DNAJC28: variants seen among roughly 807,000 people sequenced by gnomAD.
The protein encoded by DNAJC28 is dnaJ homolog subfamily C member 28.
In DNAJC28, 24 loss-of-function variants were observed where a neutral mutation model predicts 33.3. The ratio of observed to expected loss-of-function variants is 0.72; its 90% CI spans 0.52 to 1.01. The LOEUF (loss-of-function observed/expected upper bound fraction) is 1.01. Among genes scored for constraint, DNAJC28 ranks in the 50% least tolerant of loss-of-function variants. The pLI, the probability that DNAJC28 is intolerant of heterozygous loss-of-function variation, is 0.00. For synonymous variants in DNAJC28, 120 were observed against 147.2 expected (o/e 0.82, Z 1.34); for missense variants, 442 against 455.2 (o/e 0.97, Z 0.26).
At chr21:33,489,867 C>T (rs1654289419) in intron 1 of DNAJC28, among the ~76,000 whole-genome samples, 1 of 147,968 alleles carries the variant, frequency 6.8e-6, no homozygotes. Flanking sequence ...AATCGTGGCT[C>T]ACTGCAGCAT....
At chr21:33,490,022 AG>A (rs1350777023) in intron 1 of DNAJC28, among the ~76,000 whole-genome samples, 1 of 147,422 alleles carries the variant, frequency 6.8e-6, no homozygotes, top group Non-Finnish European at 1.5e-5. Context: ...CCAACTCCTG[AG>A]CTCAAACGAT....
At chr21:33,490,433 T>G (rs1313135776) in intron 1 of DNAJC28, among the ~76,000 whole-genome samples, 2 of 151,684 alleles carry the variant, frequency 1.3e-5, no homozygotes, top group Non-Finnish European at 2.9e-5. Flanking sequence ...TATAGCTATA[T>G]TTCACTGATG....
chr21:33,488,849 C>T lies in DNAJC28; in HGVS notation c.545G>A (p.Ser182Asn). 1 of 1,611,112 alleles carries T rather than the reference C, an allele frequency of 6.2e-7. No homozygotes were observed. Among genetic ancestry groups the T allele is most frequent in the Non-Finnish European group, 8.5e-7 (1 of 1,179,380 alleles). Residue 182 changes from serine to asparagine, a missense_variant, in exon 2 of 2, where the codon AGT becomes AAT. Physicochemically the swap from Ser to Asn is conservative, Grantham distance 46. Transcript: ENST00000381947. ...QKLQSQYFPDSVIVKNIRQSK... is the reference protein window; with the variant it reads ...QKLQSQYFPDNVIVKNIRQSK... ...CTGTCTTATATTTTTAACAATTACA[C>T]TATCAGGAAAATACTGGCTTTGTAG...
intron 1 of DNAJC28, among the ~76,000 whole-genome samples, 181 bp from the exon 2 acceptor site, chr21:33,489,605 A>T (rs2084503356): frequency 7.1e-6 from 1 of 141,632 alleles, no homozygotes; most frequent in African/African-American, 2.7e-5. Flanking sequence ...TCGCTCTGTC[A>T]CCCAGGCTGG....
At position 33,488,457 on chromosome 21, in the gene DNAJC28, C is replaced by A. The variant is rs762955572; in HGVS notation, c.937G>T (p.Asp313Tyr). 51 of 1,608,750 alleles carry A rather than the reference C, an allele frequency of 3.2e-5. No individual in the cohort carries two copies. Among genetic ancestry groups the A allele is most frequent in the Admixed American group, 6.8e-5 (4 of 58,848 alleles). The change falls in exon 2 of 2, where the codon GAT (aspartate) becomes TAT (tyrosine). Residue 313 changes from aspartate (D) to tyrosine (Y), a missense_variant. Asp to Tyr is a radical substitution (Grantham distance 160). Transcript: ENST00000381947. ...AGGATGGGAACAATTAAATTAAAAT[C>A]ATTAATTCGCTTGTTTAATTTTCTG... Reference protein sequence around the residue: ...NIRKLNKRINDFNLIVPILTR... With the variant: ...NIRKLNKRINYFNLIVPILTR...
chr21:33,489,619 G>A (rs1465808710), intron 1 of DNAJC28, among the ~76,000 whole-genome samples, 195 bp from the exon 2 acceptor site: 1 of 147,222 alleles, frequency 6.8e-6, no homozygotes, highest in African/African-American at 2.5e-5. Context: ...AGGCTGGAGT[G>A]CAGTGGTGCC....
In DNAJC28 at chr21:33,488,625, T is replaced by A. The variant is rs1241330761; in HGVS notation, c.769A>T (p.Ile257Phe). ...TCGCTTATTTCCTTTTGCTTAAGGA[T>A]CCATTCTGGTTGGTATCCATTATCG... ...LIDNGYQPEW[I>F]LKQKEISDTI... Residue 257 changes from isoleucine to phenylalanine, a missense_variant, in exon 2 of 2, where the codon ATC becomes TTC. Transcript: ENST00000381947. 1 of 1,614,100 alleles carries A rather than the reference T, an allele frequency of 6.2e-7. No homozygotes were observed. Among genetic ancestry groups the A allele is most frequent in the Non-Finnish European group, 8.5e-7 (1 of 1,180,010 alleles).
intron 1 of DNAJC28, among the ~76,000 whole-genome samples, chr21:33,490,710 G>A (rs1316904147): frequency 2.0e-5 from 3 of 151,990 alleles, no homozygotes; most frequent in South Asian, 2.1e-4. Flanking sequence ...GCAGTGAACC[G>A]AGATCGTGCC....
At chr21:33,490,301 G>A (rs1181092804) in intron 1 of DNAJC28, among the ~76,000 whole-genome samples, 8 of 149,652 alleles carry the variant, frequency 5.3e-5, no homozygotes, top group African/African-American at 1.2e-4. Flanking sequence ...TAGAGACGGC[G>A]TTTCACCGTG....
Position 33,488,413 on chromosome 21 carries a change from A to G in DNAJC28, c.981T>C (p.His327=), listed in dbSNP as rs758762635. 4 of 1,591,332 alleles carry G rather than the reference A, an allele frequency of 2.5e-6. No individual in the cohort carries two copies. The Admixed American group carries it at 7.5e-5, about 30-fold the overall frequency. ...TGACAATTTCTTTCTGAGCATCAAAATGGACTTTTTGCCTGGTCAGGATGG... is the reference window on the plus strand; with the variant it reads ...TGACAATTTCTTTCTGAGCATCAAAGTGGACTTTTTGCCTGGTCAGGATGG... The part of the protein sequence containing the change: ...IVPILTRQKV[H]FDAQKEIVRA... The change falls in exon 2 of 2, where the codon CAT becomes CAC. Residue 327 remains histidine (H), a synonymous_variant. Transcript: ENST00000381947.
Position 33,488,344 on chromosome 21 carries a change from G to A in DNAJC28, c.1050C>T (p.Val350=), listed in dbSNP as rs1410844008. 6.3e-7 allele frequency: 1 copy of A among 1,585,304 alleles called. No individual in the cohort carries two copies. The highest frequency in any genetic ancestry group is 1.4e-5 in the African/African-American group (1 of 73,014). ...IYETLIKTKE[V]TDRNPNNLDQ... Reference sequence around the variant, plus strand: ...CAAGGTTATTTGGGTTTCTATCTGTGACTTCTTTTGTTTTTATAAGGGTCT... The same window carrying A: ...CAAGGTTATTTGGGTTTCTATCTGTAACTTCTTTTGTTTTTATAAGGGTCT... Residue 350 remains valine, a synonymous_variant, in exon 2 of 2, where the codon GTC becomes GTT. Coordinates refer to ENST00000381947, the MANE Select transcript of DNAJC28 (RefSeq NM_001040192.3).
Position 33,488,297 on chromosome 21 carries a change from G to GTT in DNAJC28, c.1095_1096dup (p.Thr366LysfsTer10), listed in dbSNP as rs2084479614. 26 of 1,554,580 alleles carry GTT rather than the reference G, an allele frequency of 1.7e-5. No individual in the cohort carries two copies. Among genetic ancestry groups the GTT allele is most frequent in the Non-Finnish European group, 2.2e-5 (25 of 1,160,416 alleles). ...TAAAAAACCTTTCTTGATTTCAGGT[G>GTT]TTTTCTCTCCTTCTCCTTGATCAAG... On this transcript the variant is annotated frameshift_variant, in exon 2 of 2. Transcript: ENST00000381947. LOFTEE classifies it high-confidence loss of function.
rs764866087 is a variant in DNAJC28 at position 33,489,310 on chromosome 21, C to T, written c.84G>A (p.Met28Ile). 3 of 1,588,874 alleles carry T rather than the reference C, an allele frequency of 1.9e-6. No individual in the cohort carries two copies. Among genetic ancestry groups the T allele is most frequent in the South Asian group, 1.2e-5 (1 of 85,474 alleles). ...KATVIPNRVK[M>I]LPYFGIIRNR... ...TTCTAATGATACCAAAATATGGAAG[C>T]ATTTTCACTCGATTAGGAATCACTG... The change falls in exon 2 of 2, where the codon ATG (methionine) becomes ATA (isoleucine). Residue 28 changes from methionine to isoleucine, a missense_variant. Transcript: ENST00000381947.
chr21:33,489,049 ACT>A lies in DNAJC28; in HGVS notation c.343_344del (p.Ser115Ter). The A allele has an allele frequency of 6.2e-7, 1 of 1,612,558 alleles. No individual in the cohort carries two copies. ...HVIEQTNASQ[S>X]KGEEEEDVEK... ...CTACATCTTCTTCTTCTTCACCTTT[ACT>A]CTGACTGGCATTTGTTTGTTCTATC... On this transcript the variant is annotated frameshift_variant, in exon 2 of 2. Coordinates refer to ENST00000381947, the MANE Select transcript of DNAJC28 (RefSeq NM_001040192.3). LOFTEE classifies it high-confidence loss of function.
chr21:33,489,362 A>T lies in DNAJC28; in HGVS notation c.32T>A (p.Ile11Asn), dbSNP rs1568996824. 2.6e-6 allele frequency: 4 copies of T among 1,537,400 alleles called. No homozygotes were observed. Among genetic ancestry groups the T allele is most frequent in the South Asian group, 2.6e-5 (2 of 76,136 alleles). Residue 11 changes from isoleucine to asparagine, a missense_variant, in exon 2 of 2, where the codon ATC becomes AAC. By Grantham distance (149) the Ile-to-Asn change is moderately radical. Transcript: ENST00000381947. The stretch of plus-strand genomic sequence containing the variant: ...AGCCTTTATCAGGTGAGATCTTAAG[A>T]TCTGAGCCATCATCACATACATTGT... MNTMYVMMAQ[I>N]LRSHLIKATV... is the part of the protein sequence containing the mutation.
Position 33,488,202 on chromosome 21 carries a change from T to A in DNAJC28, c.*25A>T, listed in dbSNP as rs1203530056. The A allele has an allele frequency of 1.4e-6, 2 of 1,460,632 alleles. No homozygotes were observed. The highest frequency in any genetic ancestry group is 9.1e-7 in the Non-Finnish European group (1 of 1,099,214). 90.5% of individuals were successfully genotyped at this position (1,460,632 alleles called of 1,614,324 possible). On this transcript the variant is annotated 3_prime_UTR_variant, in exon 2 of 2. Transcript: ENST00000381947. ...TTTCCATGTAAAGTGTCAGTGGAAC[T>A]AAGAATGATTTATGATAGTAAACAT...
Position 33,488,871 on chromosome 21 carries a change from G to A in DNAJC28, c.523C>T (p.Gln175Ter), listed in dbSNP as rs1256291352. 1.9e-6 allele frequency: 3 copies of A among 1,609,784 alleles called. No homozygotes were observed. The highest frequency in any genetic ancestry group is 2.7e-5 in the African/African-American group (2 of 74,578). ...QVMEYQKQKL[Q>*]SQYFPDSVIV... is the part of the protein sequence containing the mutation. The stretch of plus-strand genomic sequence containing the variant: ...ACACTATCAGGAAAATACTGGCTTT[G>A]TAGTTTCTGCTTTTGATATTCCATC... Residue 175 changes from glutamine (Q) to a stop codon, truncating the protein, a stop_gained, in exon 2 of 2, where the codon CAA (glutamine) becomes TAA (stop). Coordinates refer to ENST00000381947, the MANE Select transcript of DNAJC28 (RefSeq NM_001040192.3). LOFTEE classifies it high-confidence loss of function.
Position 33,489,076 on chromosome 21 carries a change from C to T in DNAJC28, c.318G>A (p.Val106=), listed in dbSNP as rs761947803. Residue 106 remains valine (V), a synonymous_variant, in exon 2 of 2, where the codon GTG becomes GTA. Coordinates refer to ENST00000381947, the MANE Select transcript of DNAJC28 (RefSeq NM_001040192.3). ...TCTGACTGGCATTTGTTTGTTCTATCACATGGGAGAGCACCTTTCTATAAG... is the reference window on the plus strand; with the variant it reads ...TCTGACTGGCATTTGTTTGTTCTATTACATGGGAGAGCACCTTTCTATAAG... The part of the protein sequence containing the change: ...EKAYRKVLSH[V]IEQTNASQSK... 7 of 1,613,466 alleles carry T rather than the reference C, an allele frequency of 4.3e-6. No individual in the cohort carries two copies. In the South Asian group the frequency reaches 6.6e-5, roughly 15 times the overall value.
intron 1 of DNAJC28, chr21:33,491,046 CT>C (rs1367382237): frequency 6.6e-6 from 1 of 152,116 alleles, no homozygotes; most frequent in Non-Finnish European, 1.5e-5. Flanking sequence ...CATAAGACGA[CT>C]TATGGACAAG....
Sources: gnomAD v4.1 joint callset for allele counts (sites outside exome capture counted in the v4.1 genomes callset) on GRCh38, gnomAD v4.1.1 for gene constraint, MANE v1.5 for transcripts, NCBI Gene and HGNC (gene_info 2026-07-23, HGNC 2026-07-21) for gene names.